Variants in TMEM242 observed in about 807,000 individuals in gnomAD.
TMEM242 encodes transmembrane protein 242.
TMEM242 carries 10 observed loss-of-function variants against 18.2 expected under a neutral mutation model. The ratio of observed to expected loss-of-function variants is 0.55; its 90% CI spans 0.34 to 0.93. The LOEUF (loss-of-function observed/expected upper bound fraction) is 0.93, where lower values mean the gene tolerates loss of function less well. TMEM242 is among the 40% of genes least tolerant of loss of function. TMEM242 has a pLI of 0.02. For synonymous variants in TMEM242, 57 were observed against 69.9 expected (o/e 0.81, Z 0.92); for missense variants, 186 against 175.5 (o/e 1.06, Z -0.34).
At chr6:157,308,720 G>A (rs961128115) in intron 3 of TMEM242, among the ~76,000 whole-genome samples, 1 of 151,848 alleles carries the variant, frequency 6.6e-6, no homozygotes, top group Non-Finnish European at 1.5e-5. Context: ...CTAGCAGCAG[G>A]GACTCAGGAG....
chr6:157,311,687 T>G (rs1554248934), intron 3 of TMEM242, among the ~76,000 whole-genome samples: 27 of 76,822 alleles, frequency 3.5e-4, no homozygotes, highest in Non-Finnish European at 4.8e-4. Flanking sequence ...AGTGTCCCAG[T>G]GTGCACTGAG....
rs980061650 is a variant in TMEM242 at position 157,289,940 on chromosome 6, T to C, written c.*2961A>G. ...CACATGCTTCCATGCCCTTGGGCCA[T>C]GGTCCTCCTGGTGATGGGCTGCCGG... On this transcript the variant is annotated 3_prime_UTR_variant, in exon 4 of 4. Transcript: ENST00000400788. 6.6e-6 allele frequency: 1 copy of C among 152,240 alleles called. No individual in the cohort carries two copies. The highest frequency in any genetic ancestry group is 1.5e-5 in the Non-Finnish European group (1 of 68,052). 9.4% of individuals were successfully genotyped at this position (152,240 alleles called of 1,614,324 possible).
intron 3 of TMEM242, among the ~76,000 whole-genome samples, chr6:157,313,387 C>T (rs1778268307): frequency 4.6e-4 from 2 of 4,394 alleles, no homozygotes; most frequent in East Asian, 6.4e-3. Flanking sequence ...TCAGTGTACG[C>T]TCACCGGGCC....
chr6:157,309,728 C>A (rs1777966738), intron 3 of TMEM242, among the ~76,000 whole-genome samples: 1 of 151,434 alleles, frequency 6.6e-6, no homozygotes, highest in African/African-American at 2.4e-5. Flanking sequence ...GGTAAAAAAA[C>A]AAATCAAAAA....
At chr6:157,318,604 T>C (rs1210221699) in intron 3 of TMEM242, 178 bp downstream of exon 3, 2 of 612,976 alleles carry the variant, frequency 3.3e-6, no homozygotes, top group African/African-American at 3.8e-5. Flanking sequence ...TCAAAAATTG[T>C]ATTTATTAGT....
chr6:157,312,239 CATCTAGCCTT>C, intron 3 of TMEM242, among the ~76,000 whole-genome samples: 1 of 151,150 alleles, frequency 6.6e-6, no homozygotes, highest in South Asian at 2.1e-4. Flanking sequence ...AGTGTACACT[CATCTAGCCTT>C]ATCATAGTTT....
intron 3 of TMEM242, among the ~76,000 whole-genome samples, chr6:157,311,285 C>CCT: frequency 1.4e-5 from 2 of 147,768 alleles, no homozygotes; most frequent in Non-Finnish European, 3.0e-5. Context: ...CCCGTGTGCA[C>CCT]ACACCGAGCC....
chr6:157,312,138 ACCTGGCCTCATCATAGTGTCCCAGTGTG>A (rs1778157939), intron 3 of TMEM242, among the ~76,000 whole-genome samples: 1 of 141,622 alleles, frequency 7.1e-6, no homozygotes, highest in Non-Finnish European at 1.6e-5. Context: ...GTGTGCGCTC[ACCTGGCCTCATCATAGTGTCCCAGTGTG>A]CACTCACCCG....
At chr6:157,312,359 C>CACAGTGTGCACTCACCTAG (rs1778176740) in intron 3 of TMEM242, among the ~76,000 whole-genome samples, 1 of 74,284 alleles carries the variant, frequency 1.3e-5, no homozygotes, top group South Asian at 4.4e-4. Context: ...CTCATCATGT[C>CACAGTGTGCACTCACCTAG]CCAGTGTGCA....
rs587639169 is a variant in TMEM242, at chr6:157,296,236, T to G, written c.328-3237A>C. Among the ~76,000 whole-genome samples the G allele has an allele frequency of 1.1e-4, 17 of 152,304 alleles. No individual in the cohort carries two copies. In the South Asian group the frequency reaches 2.3e-3, roughly 20 times the overall value. ...GGTATGCTGGGAACTAGAGTACCCATCCAGCAACTCCGTTTCACTCCCAAG... is the reference window on the plus strand; with the variant it reads ...GGTATGCTGGGAACTAGAGTACCCAGCCAGCAACTCCGTTTCACTCCCAAG... On this transcript the variant is annotated intron_variant, in intron 3 of 3. Coordinates refer to ENST00000400788, the MANE Select transcript of TMEM242 (RefSeq NM_018452.6).
At position 157,290,098 on chromosome 6, in the gene TMEM242, A is replaced by G. The variant is rs1777665903; in HGVS notation, c.*2803T>C. ...GGGCAGCAGCAACTTACCAGGATAC[A>G]TGTTTTCCCTTGAATGAATCCTGGG... is the stretch of plus-strand genomic sequence containing the variant. On this transcript the variant is annotated 3_prime_UTR_variant, in exon 4 of 4. Coordinates refer to ENST00000400788, the MANE Select transcript of TMEM242 (RefSeq NM_018452.6). 1 of 152,172 alleles carries G rather than the reference A, an allele frequency of 6.6e-6. No individual in the cohort carries two copies. The highest frequency in any genetic ancestry group is 1.5e-5 in the Non-Finnish European group (1 of 68,036). 9.4% of individuals were successfully genotyped at this position (152,172 alleles called of 1,614,324 possible).
chr6:157,297,103 C>G (rs1157144371), intron 3 of TMEM242, among the ~76,000 whole-genome samples: 2 of 152,206 alleles, frequency 1.3e-5, no homozygotes, highest in African/African-American at 2.4e-5. Flanking sequence ...TGTATGCCAG[C>G]CATATTTCTC....
chr6:157,310,061 T>A (rs1334031748), intron 3 of TMEM242, among the ~76,000 whole-genome samples: 1 of 152,226 alleles, frequency 6.6e-6, no homozygotes, highest in Non-Finnish European at 1.5e-5. Context: ...CTAGGAATTA[T>A]TTAGATATTT....
chr6:157,310,764 A>C (rs797035050), intron 3 of TMEM242, among the ~76,000 whole-genome samples: 4 of 137,912 alleles, frequency 2.9e-5, no homozygotes, highest in African/African-American at 8.2e-5. Flanking sequence ...ACCCGGCCTC[A>C]TCATAGGGTC....
chr6:157,321,066 T>G (rs1332464567), intron 2 of TMEM242, among the ~76,000 whole-genome samples: 1 of 150,568 alleles, frequency 6.6e-6, no homozygotes, highest in African/African-American at 2.4e-5. Flanking sequence ...TGGAGTGCAG[T>G]GGCGAAATCT....
intron 3 of TMEM242, among the ~76,000 whole-genome samples, chr6:157,308,044 G>T (rs1777939984): frequency 6.6e-6 from 1 of 152,166 alleles, no homozygotes; most frequent in Non-Finnish European, 1.5e-5. Flanking sequence ...TAAACAATTG[G>T]CCAGGAGACT....
chr6:157,318,630 A>T, intron 3 of TMEM242, 152 bp downstream of exon 3: 1 of 783,234 alleles, frequency 1.3e-6, no homozygotes, highest in Non-Finnish European at 2.0e-6. Flanking sequence ...GAAGTTGTCT[A>T]GTTATTTGTA....
intron 3 of TMEM242, among the ~76,000 whole-genome samples, chr6:157,313,318 G>A (rs797039384): frequency 4.4e-3 from 37 of 8,420 alleles, no homozygotes; most frequent in South Asian, 7.8e-3. Flanking sequence ...CCCAGTGTGC[G>A]CTCACCTGGC....
intron 3 of TMEM242, among the ~76,000 whole-genome samples, chr6:157,294,828 C>G (rs1777731166): frequency 2.0e-5 from 3 of 152,180 alleles, no homozygotes; most frequent in African/African-American, 4.8e-5. Context: ...CTGCTGTCAG[C>G]AGCATGGACT....
Sources: allele counts gnomAD v4.1 joint callset (sites outside exome capture counted in the v4.1 genomes callset), GRCh38; gene constraint gnomAD v4.1.1; transcripts MANE v1.5; gene names NCBI Gene and HGNC (gene_info 2026-07-23, HGNC 2026-07-21).